The following MAP2 variants were observed in gnomAD, a reference collection of about 807,000 sequenced individuals.
MAP2 encodes the protein microtubule associated protein 2.
Under a neutral mutation model 137.6 loss-of-function variants are expected in MAP2, and 14 were observed. The ratio of observed to expected loss-of-function variants is 0.10; its 90% CI spans 0.07 to 0.16. The LOEUF is 0.16. Ranked by LOEUF, MAP2 falls within the 10% of genes least tolerant of loss-of-function variation. The probability of loss-of-function intolerance (pLI) is 1.00; values close to 1 mark genes in which losing one functional copy is unlikely to be tolerated. For missense variants in MAP2, 2,088 were observed against 2,191.5 expected (o/e 0.95, Z 0.94); for synonymous variants, 786 against 782.3 (o/e 1.00, Z -0.08).
chr2:209,716,433 G>T (rs1394541390), intron 13 of MAP2, among the ~76,000 whole-genome samples: 76 of 152,332 alleles, frequency 5.0e-4, no homozygotes, highest in Admixed American at 5.0e-3. Flanking sequence ...AAACAAGCTT[G>T]TCCAACCCAT....
At chr2:209,527,544 G>C (rs1208999202) in intron 2 of MAP2, among the ~76,000 whole-genome samples, 3 of 152,034 alleles carry the variant, frequency 2.0e-5, no homozygotes, top group African/African-American at 7.2e-5. Context: ...CCCACTAGCA[G>C]CTTTCTTCAC....
chr2:209,579,417 C>T (rs2075890748), intron 2 of MAP2: 1 of 152,084 alleles, frequency 6.6e-6, no homozygotes, highest in Admixed American at 6.5e-5. Flanking sequence ...TACCAGAAGC[C>T]CCTATGGCAA....
intron 5 of MAP2, among the ~76,000 whole-genome samples, chr2:209,671,233 C>A (rs1055283460): frequency 6.6e-6 from 1 of 151,864 alleles, no homozygotes; most frequent in Non-Finnish European, 1.5e-5. Context: ...CATGCCAATG[C>A]TGGCCTCTAA....
intron 6 of MAP2, 92 bp downstream of exon 6, chr2:209,678,777 G>T: frequency 4.9e-6 from 3 of 606,468 alleles, no homozygotes; most frequent in Non-Finnish European, 8.3e-6. Flanking sequence ...GCCATATCTT[G>T]TACTTCATCC....
intron 2 of MAP2, among the ~76,000 whole-genome samples, chr2:209,532,595 A>G (rs1024961678): frequency 8.9e-4 from 135 of 152,298 alleles, no homozygotes; most frequent in African/African-American, 3.1e-3. Context: ...AAAGTATACT[A>G]TGATGCCTAT....
chr2:209,696,895 T>G, intron 9 of MAP2, 22 bp from the exon 10 acceptor site: 1 of 1,583,360 alleles, frequency 6.3e-7, no homozygotes, highest in Non-Finnish European at 8.5e-7. Context: ...ATGGTATGCT[T>G]TTTGTGTTTT....
intron 1 of MAP2, among the ~76,000 whole-genome samples, chr2:209,504,091 G>A (rs2060728674): frequency 1.4e-5 from 2 of 142,384 alleles, no homozygotes; most frequent in African/African-American, 5.1e-5. Flanking sequence ...GCAAGACCCT[G>A]TCTCTGGAAA....
At chr2:209,454,227 A>G (rs1700997615) in intron 1 of MAP2, among the ~76,000 whole-genome samples, 1 of 151,578 alleles carries the variant, frequency 6.6e-6, no homozygotes. Flanking sequence ...AGAGTGAAAA[A>G]GCTCAATTCT....
intron 3 of MAP2, among the ~76,000 whole-genome samples, chr2:209,619,902 T>C (rs2090624552): frequency 6.6e-6 from 1 of 152,174 alleles, no homozygotes; most frequent in Non-Finnish European, 1.5e-5. Flanking sequence ...TTCAGTACAG[T>C]GGGCTGTAAG....
intron 7 of MAP2, among the ~76,000 whole-genome samples, chr2:209,691,706 A>T (rs1418437181): frequency 1.3e-5 from 2 of 152,194 alleles, no homozygotes; most frequent in African/African-American, 4.8e-5. Flanking sequence ...TCTGTGAAGC[A>T]CCTCTAAAGC....
At chr2:209,528,287 C>G (rs374058777) in intron 2 of MAP2, among the ~76,000 whole-genome samples, 14 of 152,174 alleles carry the variant, frequency 9.2e-5, no homozygotes, top group African/African-American at 3.4e-4. Flanking sequence ...TACTCAAAAT[C>G]AGTAATTGTA....
At position 209,574,550 on chromosome 2, in the gene MAP2, A is replaced by G. The variant is rs145730552; in HGVS notation, c.-171-5486A>G. ...TCTTAGCTATTGTGAATAATGCTGCAATAAACATGGGAGTCATTTTGTACA... is the reference window on the plus strand; with the variant it reads ...TCTTAGCTATTGTGAATAATGCTGCGATAAACATGGGAGTCATTTTGTACA... On this transcript the variant is annotated intron_variant, in intron 2 of 15. Transcript: ENST00000682079. Among the ~76,000 whole-genome samples, 6 of 152,298 alleles carry G rather than the reference A, an allele frequency of 3.9e-5. No individual in the cohort carries two copies. The East Asian group carries it at 9.6e-4, about 24-fold the overall frequency.
intron 4 of MAP2, among the ~76,000 whole-genome samples, chr2:209,642,574 A>G (rs984819934): frequency 5.3e-5 from 8 of 152,098 alleles, no homozygotes; most frequent in African/African-American, 1.4e-4. Flanking sequence ...ATCTGTGCCT[A>G]TGATCATTTG....
chr2:209,718,857 C>T (rs563854887), intron 13 of MAP2, among the ~76,000 whole-genome samples: 1 of 152,168 alleles, frequency 6.6e-6, no homozygotes, highest in East Asian at 1.9e-4. Context: ...ACATTTTAAC[C>T]AGAGTGCAAA....
intron 4 of MAP2, among the ~76,000 whole-genome samples, chr2:209,636,427 G>T (rs958347905): frequency 1.3e-5 from 2 of 152,050 alleles, no homozygotes; most frequent in Non-Finnish European, 2.9e-5. Flanking sequence ...TTTTGAGCCT[G>T]TGTGTTCCTT....
chr2:209,435,973 A>ACT (rs1695947393), intron 1 of MAP2, among the ~76,000 whole-genome samples: 1 of 120,972 alleles, frequency 8.3e-6, no homozygotes, highest in African/African-American at 3.8e-5. Flanking sequence ...TATTATATAT[A>ACT]ATATATACAG....
At chr2:209,447,024 G>A (rs1326203833) in intron 1 of MAP2, among the ~76,000 whole-genome samples, 1 of 151,850 alleles carries the variant, frequency 6.6e-6, no homozygotes, top group Non-Finnish European at 1.5e-5. Flanking sequence ...TGGCAAAGCT[G>A]CAGCTTGCCA....
chr2:209,553,963 C>T (rs1421415712), intron 2 of MAP2, among the ~76,000 whole-genome samples: 1 of 152,142 alleles, frequency 6.6e-6, no homozygotes, highest in Non-Finnish European at 1.5e-5. Context: ...TCACTGACCA[C>T]AGAGTTGAGA....
In MAP2 at chr2:209,695,928, A is replaced by T; in HGVS notation, c.3758A>T (p.Asp1253Val). ...GEYDKLLFRS[D>V]TLQITDLGVS... ...TATGATAAACTGCTCTTCCGCTCAG[A>T]CACCCTTCAGATAACTGACCTGGGT... Residue 1253 changes from aspartate to valine, a missense_variant, in exon 8 of 16, where the codon GAC becomes GTC. Transcript: ENST00000682079. 1.9e-6 allele frequency: 3 copies of T among 1,614,090 alleles called. No individual in the cohort carries two copies. The highest frequency in any genetic ancestry group is 2.5e-6 in the Non-Finnish European group (3 of 1,179,996).
Sources: allele counts gnomAD v4.1 joint callset (sites outside exome capture counted in the v4.1 genomes callset), GRCh38; gene constraint gnomAD v4.1.1; transcripts MANE v1.5; gene names NCBI Gene and HGNC (gene_info 2026-07-23, HGNC 2026-07-21).